IQSEC1: variants seen among roughly 807,000 people sequenced by gnomAD.
The protein encoded by IQSEC1 is IQ motif and SEC7 domain-containing protein 1.
IQSEC1 carries 31 observed loss-of-function variants against 91.0 expected under a neutral mutation model. That is an observed-to-expected ratio of 0.34 (90% CI 0.26 to 0.46). IQSEC1 has a LOEUF of 0.46. Among genes scored for constraint, IQSEC1 ranks in the 20% least tolerant of loss-of-function variants. The probability of loss-of-function intolerance (pLI) is 1.00; values close to 1 mark genes in which losing one functional copy is unlikely to be tolerated. For missense variants in IQSEC1, 1,388 were observed against 1,575.6 expected (o/e 0.88, Z 2.02); for synonymous variants, 699 against 662.6 (o/e 1.05, Z -0.84).
chr3:12,907,617 C>T (rs1294340191), intron 12 of IQSEC1, among the ~76,000 whole-genome samples: 2 of 152,248 alleles, frequency 1.3e-5, no homozygotes, highest in Non-Finnish European at 2.9e-5. Flanking sequence ...TCTTTTCTCT[C>T]CTGCCCCACA....
intron 1 of IQSEC1, among the ~76,000 whole-genome samples, chr3:13,210,008 T>C (rs1694414303): frequency 6.6e-6 from 1 of 152,092 alleles, no homozygotes; most frequent in Non-Finnish European, 1.5e-5. Flanking sequence ...CCCAGCAATG[T>C]CATAGGCTCA....
chr3:13,140,880 G>A (rs766678356), intron 2 of IQSEC1, among the ~76,000 whole-genome samples: 16 of 152,220 alleles, frequency 1.1e-4, no homozygotes, highest in Non-Finnish European at 2.1e-4. Flanking sequence ...CACAGCAGTA[G>A]GAAAGGAAGA....
In IQSEC1 at chr3:12,979,550, G is replaced by T. The variant is rs1701353927; in HGVS notation, c.24-37685C>A. ...TCCCTGGACAGCGGTTGTCTCTGGG[G>T]AGGGGAATGGGACGTGGAAGGGCGT... On this transcript the variant is annotated intron_variant, in intron 1 of 13. Coordinates refer to ENST00000613206, the MANE Select transcript of IQSEC1 (RefSeq NM_001134382.3). The surrounding 1 kb of genome is among the most constrained non-coding windows in gnomAD (Gnocchi z 4.3). Among the ~76,000 whole-genome samples the T allele has an allele frequency of 6.6e-6, 1 of 152,240 alleles. No homozygotes were observed. Among genetic ancestry groups the T allele is most frequent in the South Asian group, 2.1e-4 (1 of 4,834 alleles).
rs991851626 is a variant in IQSEC1, at chr3:12,899,256, G to T, written c.*1727C>A. 3 of 991,534 alleles carry T rather than the reference G, an allele frequency of 3.0e-6. No individual in the cohort carries two copies. The highest frequency in any genetic ancestry group is 4.5e-6 in the Non-Finnish European group (3 of 670,930). 61.4% of individuals were successfully genotyped at this position (991,534 alleles called of 1,614,324 possible). On this transcript the variant is annotated 3_prime_UTR_variant, in exon 14 of 14. Coordinates refer to ENST00000613206, the MANE Select transcript of IQSEC1 (RefSeq NM_001134382.3). The stretch of plus-strand genomic sequence containing the variant: ...GAGGGGGCTCCCCTCTCCTCCTGCC[G>T]TCCGGCCACGGCTCACCACGCTGTC...
chr3:13,081,293 G>A (rs1440663645), intron 2 of IQSEC1, among the ~76,000 whole-genome samples: 5 of 152,262 alleles, frequency 3.3e-5, no homozygotes, highest in Non-Finnish European at 7.4e-5. Flanking sequence ...TTTAGAGACA[G>A]GATCTTGCTC....
At chr3:13,222,873 T>C (rs1263152631) in intron 1 of IQSEC1, among the ~76,000 whole-genome samples, 2 of 152,208 alleles carry the variant, frequency 1.3e-5, no homozygotes, top group African/African-American at 4.8e-5. Context: ...GCCTGGGGAC[T>C]GGCTGGTCCC....
At chr3:12,945,800 A>G (rs549717367) in intron 1 of IQSEC1, among the ~76,000 whole-genome samples, 32 of 152,344 alleles carry the variant, frequency 2.1e-4, no homozygotes, top group African/African-American at 4.8e-4. Context: ...AAATAAAAAT[A>G]CAATTTAAGT....
intron 1 of IQSEC1, among the ~76,000 whole-genome samples, chr3:13,058,480 C>T (rs1704954175): frequency 6.6e-6 from 1 of 152,182 alleles, no homozygotes; most frequent in African/African-American, 2.4e-5. Context: ...TCTTTCCCAC[C>T]TCACACAGGA....
intron 2 of IQSEC1, among the ~76,000 whole-genome samples, chr3:13,091,894 C>T (rs1341332896): frequency 6.6e-6 from 1 of 151,650 alleles, no homozygotes; most frequent in African/African-American, 2.4e-5. Flanking sequence ...CCTCCCAGGT[C>T]TCCTCTTTGG....
chr3:13,254,330 C>A (rs912574601), intron 1 of IQSEC1, among the ~76,000 whole-genome samples: 2 of 152,200 alleles, frequency 1.3e-5, no homozygotes, highest in African/African-American at 4.8e-5. Flanking sequence ...CCAGGCTGGA[C>A]ACGGAGGCCT....
chr3:13,229,621 G>C (rs1046483094), intron 1 of IQSEC1, among the ~76,000 whole-genome samples: 1 of 152,182 alleles, frequency 6.6e-6, no homozygotes, highest in African/African-American at 2.4e-5. Context: ...AGGGAAAAGA[G>C]ATCTGAGCTG....
At chr3:13,236,904 C>G (rs894604121) in intron 1 of IQSEC1, among the ~76,000 whole-genome samples, 1 of 152,204 alleles carries the variant, frequency 6.6e-6, no homozygotes, top group South Asian at 2.1e-4. Flanking sequence ...AAAATGCCCC[C>G]CTCCAGCCAG....
intron 1 of IQSEC1, among the ~76,000 whole-genome samples, chr3:12,954,087 T>C (rs1227001022): frequency 6.6e-6 from 1 of 152,206 alleles, no homozygotes; most frequent in Non-Finnish European, 1.5e-5. Context: ...AGGCAGCCCT[T>C]GTCCTGTCAA....
chr3:13,116,239 G>C (rs971250181), intron 2 of IQSEC1, among the ~76,000 whole-genome samples: 4 of 152,198 alleles, frequency 2.6e-5, no homozygotes, highest in Non-Finnish European at 4.4e-5. Flanking sequence ...AGGGGCAGCC[G>C]ATGGGGCCGT....
Position 12,899,500 on chromosome 3 carries a change from G to T in IQSEC1, c.*1483C>A, listed in dbSNP as rs1184692713. 8 of 1,569,314 alleles carry T rather than the reference G, an allele frequency of 5.1e-6. No individual in the cohort carries two copies. The highest frequency in any genetic ancestry group is 6.9e-6 in the Non-Finnish European group (8 of 1,155,830). ...CCGCGTGCAGGTCTGGCCCTGGGGA[G>T]CGCATGGTGTCACCACAACACAGAA... On this transcript the variant is annotated 3_prime_UTR_variant, in exon 14 of 14. Coordinates refer to ENST00000613206, the MANE Select transcript of IQSEC1 (RefSeq NM_001134382.3).
At chr3:12,915,990 G>C (rs1219877054) in intron 6 of IQSEC1, among the ~76,000 whole-genome samples, 1 of 152,210 alleles carries the variant, frequency 6.6e-6, no homozygotes, top group East Asian at 1.9e-4. Flanking sequence ...GCCATTTTCA[G>C]AGGGCTTTAT....
chr3:12,960,938 G>A (rs1664926315), intron 1 of IQSEC1, among the ~76,000 whole-genome samples: 1 of 152,248 alleles, frequency 6.6e-6, no homozygotes, highest in South Asian at 2.1e-4. Flanking sequence ...GCAGCAGCTT[G>A]CAGTGGGGAC....
chr3:13,080,093 C>T (rs940202805), intron 2 of IQSEC1, among the ~76,000 whole-genome samples: 4 of 152,178 alleles, frequency 2.6e-5, no homozygotes, highest in Non-Finnish European at 5.9e-5. Flanking sequence ...CATGAGACAA[C>T]CTGCCAGGGG....
intron 1 of IQSEC1, among the ~76,000 whole-genome samples, chr3:13,046,482 A>G (rs1320737194): frequency 6.6e-6 from 1 of 152,204 alleles, no homozygotes; most frequent in Non-Finnish European, 1.5e-5. Context: ...TCCTTCCTGT[A>G]TAGCATCTGC....
Sources: gnomAD v4.1 joint callset for allele counts (sites outside exome capture counted in the v4.1 genomes callset) on GRCh38, gnomAD v4.1.1 for gene constraint, Gnocchi (gnomAD v3.1) non-coding constraint, MANE v1.5 for transcripts, NCBI Gene and HGNC (gene_info 2026-07-23, HGNC 2026-07-21) for gene names.